SAMD3: variants seen among roughly 807,000 people sequenced by gnomAD.
The protein encoded by SAMD3 is sterile alpha motif domain-containing protein 3.
Under a neutral mutation model 58.5 loss-of-function variants are expected in SAMD3, and 63 were observed. The observed-to-expected ratio is 1.08, with a 90% CI of 0.88 to 1.33. SAMD3 has a LOEUF of 1.33. Among genes scored for constraint, SAMD3 ranks in the 40% most tolerant of loss-of-function variants. The pLI, the probability that SAMD3 is intolerant of heterozygous loss-of-function variation, is 0.00. For missense variants in SAMD3, 604 were observed against 608.4 expected (o/e 0.99, Z 0.08); for synonymous variants, 220 against 210.3 (o/e 1.05, Z -0.40).
At chr6:130,233,993 A>G (rs1796615617) in intron 2 of SAMD3, among the ~76,000 whole-genome samples, 1 of 152,250 alleles carries the variant, frequency 6.6e-6, no homozygotes, top group African/African-American at 2.4e-5. Context: ...CCAGGTTAAA[A>G]TTAAATGCAT....
intron 7 of SAMD3, among the ~76,000 whole-genome samples, chr6:130,177,885 T>C (rs1052184523): frequency 3.9e-5 from 6 of 152,176 alleles, no homozygotes; most frequent in Non-Finnish European, 4.4e-5. Context: ...AAGCAGGAGA[T>C]GCAGGTGTCA....
intron 9 of SAMD3, among the ~76,000 whole-genome samples, chr6:130,150,633 C>T (rs1469216143): frequency 6.6e-6 from 1 of 151,910 alleles, no homozygotes; most frequent in East Asian, 1.9e-4. Flanking sequence ...GCATGGTTCT[C>T]ACTCATGAGG....
chr6:130,310,986 C>T (rs1776132029), intron 2 of SAMD3, among the ~76,000 whole-genome samples: 1 of 152,042 alleles, frequency 6.6e-6, no homozygotes, highest in Non-Finnish European at 1.5e-5. Flanking sequence ...AGCACCAGCC[C>T]AATGCGAGGG....
intron 5 of SAMD3, among the ~76,000 whole-genome samples, chr6:130,204,144 T>G (rs1381568975): frequency 6.6e-6 from 1 of 152,186 alleles, no homozygotes; most frequent in Admixed American, 6.5e-5. Flanking sequence ...GCAAAACATC[T>G]GGACACATAT....
chr6:130,351,660 TC>T (rs1277557107), intron 1 of SAMD3, among the ~76,000 whole-genome samples: 1 of 151,054 alleles, frequency 6.6e-6, no homozygotes, highest in Non-Finnish European at 1.5e-5. Context: ...ATTGTGGAAG[TC>T]AATGTGATCT....
chr6:130,175,659 T>G (rs915942402), intron 8 of SAMD3, 182 bp downstream of exon 8: 1 of 432,188 alleles, frequency 2.3e-6, no homozygotes, highest in Non-Finnish European at 4.0e-6. Context: ...GGAATTCTTT[T>G]CTTGGAAATA....
intron 5 of SAMD3, among the ~76,000 whole-genome samples, chr6:130,195,091 C>G (rs1442866919): frequency 2.0e-5 from 3 of 152,110 alleles, no homozygotes; most frequent in African/African-American, 2.4e-5. Context: ...CTGCCCAGTT[C>G]CCTTATTAGG....
chr6:130,351,558 A>T (rs1270301608), intron 1 of SAMD3, among the ~76,000 whole-genome samples: 1 of 152,226 alleles, frequency 6.6e-6, no homozygotes, highest in East Asian at 1.9e-4. Flanking sequence ...AATGGTGATC[A>T]TTAAAAAGTC....
At chr6:130,288,185 AAGAC>A (rs1562500725) in intron 2 of SAMD3, among the ~76,000 whole-genome samples, 1 of 152,220 alleles carries the variant, frequency 6.6e-6, no homozygotes, top group Admixed American at 6.5e-5. Flanking sequence ...TATATAGAGA[AAGAC>A]AGAGAAAAAA....
rs987301778 is a variant in SAMD3 at position 130,352,066 on chromosome 6, G to A, written c.-304+13054C>T. Among the ~76,000 whole-genome samples, 14 of 138,966 alleles carry A rather than the reference G, an allele frequency of 1.0e-4. 1 individual carries two copies. The highest frequency in any genetic ancestry group is 3.1e-5 in the Non-Finnish European group (2 of 64,830). 91.2% of individuals were successfully genotyped at this position (138,966 alleles called of 152,430 possible). On this transcript the variant is annotated intron_variant, in intron 1 of 13. Coordinates refer to the SAMD3 transcript ENST00000368134. ...CATCACACACCATGGTCTGTTGTGTGTTGGGGGGAGGGGGGAGGGATAGTA... is the reference window on the plus strand; with the variant it reads ...CATCACACACCATGGTCTGTTGTGTATTGGGGGGAGGGGGGAGGGATAGTA...
At chr6:130,297,060 T>C (rs1367179446) in intron 2 of SAMD3, among the ~76,000 whole-genome samples, 5 of 152,176 alleles carry the variant, frequency 3.3e-5, no homozygotes, top group Non-Finnish European at 5.9e-5. Flanking sequence ...TTAAGCACCA[T>C]CTATTGGATT....
intron 8 of SAMD3, among the ~76,000 whole-genome samples, chr6:130,157,953 AAAAATT>A (rs1203907576): frequency 6.6e-6 from 1 of 151,514 alleles, no homozygotes; most frequent in Admixed American, 6.5e-5. Flanking sequence ...TGCAAAAAAA[AAAAATT>A]AAATTGCAAA....
chr6:130,266,334 A>T (rs1265669329), intron 2 of SAMD3, among the ~76,000 whole-genome samples: 2 of 152,148 alleles, frequency 1.3e-5, no homozygotes, highest in Non-Finnish European at 2.9e-5. Flanking sequence ...CTGTAATAGG[A>T]GATCAATGGC....
chr6:130,145,826 A>G (rs917991348), intron 10 of SAMD3, among the ~76,000 whole-genome samples, 184 bp downstream of exon 10: 5 of 151,912 alleles, frequency 3.3e-5, no homozygotes, highest in Non-Finnish European at 7.4e-5. Context: ...TGTTTCACTT[A>G]TTACTTAAAT....
At chr6:130,169,032 C>T (rs958641504) in intron 8 of SAMD3, among the ~76,000 whole-genome samples, 3 of 152,056 alleles carry the variant, frequency 2.0e-5, no homozygotes, top group African/African-American at 4.8e-5. Flanking sequence ...TTTCAATATA[C>T]GTGACACATG....
At position 130,228,437 on chromosome 6, in the gene SAMD3, T is replaced by C. The variant is rs539745378; in HGVS notation, c.-187-5624A>G. ...AAATGGAATTTGGGAGAACCAGAAA[T>C]GGACGGGCACAGGAATGGTTCGATT... On this transcript the variant is annotated intron_variant, in intron 2 of 13. Transcript: ENST00000368134. 5.3e-5 allele frequency among the ~76,000 whole-genome samples: 8 copies of C among 152,236 alleles called. No homozygotes were observed. In the East Asian group the frequency reaches 9.7e-4, roughly 18 times the overall value.
At chr6:130,219,990 G>A (rs1449418950) in intron 1 of SAMD3, among the ~76,000 whole-genome samples, 1 of 152,052 alleles carries the variant, frequency 6.6e-6, no homozygotes, top group Non-Finnish European at 1.5e-5. Flanking sequence ...AATTTCATAT[G>A]TTTACATTTT....
intron 2 of SAMD3, among the ~76,000 whole-genome samples, chr6:130,235,667 C>T (rs1156757886): frequency 6.6e-6 from 1 of 152,146 alleles, no homozygotes; most frequent in Non-Finnish European, 1.5e-5. Context: ...AAGTCAATTG[C>T]TTCCTCAAAA....
At chr6:130,200,870 G>C (rs1312628213) in intron 5 of SAMD3, among the ~76,000 whole-genome samples, 1 of 152,028 alleles carries the variant, frequency 6.6e-6, no homozygotes, top group Non-Finnish European at 1.5e-5. Context: ...AGCTTTATCA[G>C]AATCCCTGTT....
Sources: allele counts gnomAD v4.1 joint callset (sites outside exome capture counted in the v4.1 genomes callset), GRCh38; gene constraint gnomAD v4.1.1; transcripts MANE v1.5; gene names NCBI Gene and HGNC (gene_info 2026-07-23, HGNC 2026-07-21).